Variants in ANTXR2 observed in about 807,000 individuals in gnomAD.
The protein encoded by ANTXR2 is anthrax toxin receptor 2.
Under a neutral mutation model 73.7 loss-of-function variants are expected in ANTXR2, and 44 were observed. The observed-to-expected ratio is 0.60, with a 90% CI of 0.47 to 0.77. The LOEUF is 0.77. Among genes scored for constraint, ANTXR2 ranks in the 30% least tolerant of loss-of-function variants. The pLI is 0.00. For missense variants in ANTXR2, 604 were observed against 592.5 expected, an observed-to-expected ratio of 1.02 and a Z score of -0.20; for synonymous variants, 217 against 205.9, an observed-to-expected ratio of 1.05 and a Z score of -0.46.
intron 11 of ANTXR2, among the ~76,000 whole-genome samples, chr4:80,011,317 G>C (rs1040012860): frequency 7.7e-6 from 1 of 130,142 alleles, no homozygotes; most frequent in Non-Finnish European, 1.7e-5. Context: ...CTATCTATCT[G>C]TCTATCATCT....
At chr4:79,999,952 G>A (rs1730939501) in intron 12 of ANTXR2, among the ~76,000 whole-genome samples, 2 of 151,964 alleles carry the variant, frequency 1.3e-5, no homozygotes, top group African/African-American at 4.8e-5. Flanking sequence ...AATATGATAT[G>A]GGATACATGT....
At chr4:79,914,318 G>A (rs906720713) in intron 16 of ANTXR2, among the ~76,000 whole-genome samples, 7 of 152,038 alleles carry the variant, frequency 4.6e-5, no homozygotes, top group African/African-American at 7.2e-5. Context: ...GCAATTGCTA[G>A]CCTCAGTGTA....
intron 12 of ANTXR2, 38 bp downstream of exon 12, chr4:80,008,483 A>C: frequency 6.7e-7 from 1 of 1,494,246 alleles, no homozygotes. Flanking sequence ...CATCTTTCTA[A>C]TTTTTTTTAA....
chr4:80,069,305 A>G lies in ANTXR2; in HGVS notation c.296+131T>C. On this transcript the variant is annotated intron_variant, in intron 3 of 16. Transcript: ENST00000403729. ...ATTACTCATACCTCCTTTCCCTTCT[A>G]TTAGAGAACTGAATTGTCTGTGCAT... 3 of 731,316 alleles carry G rather than the reference A, an allele frequency of 4.1e-6. No individual in the cohort carries two copies. In the South Asian group the frequency reaches 5.0e-5, roughly 12 times the overall value. 45.3% of individuals were successfully genotyped at this position (731,316 alleles called of 1,614,324 possible). A position where few individuals can be genotyped will look rare whatever the true frequency, so the allele number is the denominator to read the frequency against.
intron 11 of ANTXR2, among the ~76,000 whole-genome samples, chr4:80,016,102 C>A (rs568885399): frequency 2.0e-5 from 3 of 152,158 alleles, no homozygotes; most frequent in South Asian, 4.1e-4. Flanking sequence ...TAAAAGAATT[C>A]TTTCAAGTTG....
intron 16 of ANTXR2, among the ~76,000 whole-genome samples, chr4:79,959,309 TTC>T (rs1287683008): frequency 6.6e-6 from 1 of 152,138 alleles, no homozygotes; most frequent in African/African-American, 2.4e-5. Context: ...TTCAGAATTG[TTC>T]TGTCTTATTT....
At chr4:80,068,934 T>C (rs1171946355) in intron 3 of ANTXR2, among the ~76,000 whole-genome samples, 2 of 152,136 alleles carry the variant, frequency 1.3e-5, no homozygotes, top group Admixed American at 1.3e-4. Flanking sequence ...TAGATAGATA[T>C]AGAGATATAT....
chr4:80,008,684 T>C (rs1731426461), intron 11 of ANTXR2, 68 bp from the exon 12 acceptor site: 2 of 962,530 alleles, frequency 2.1e-6, no homozygotes, highest in South Asian at 1.8e-5. Flanking sequence ...AATGTATATA[T>C]ATTTTAAGGA....
chr4:80,007,950 T>G (rs893759346), intron 12 of ANTXR2, among the ~76,000 whole-genome samples: 1 of 152,190 alleles, frequency 6.6e-6, no homozygotes, highest in African/African-American at 2.4e-5. Context: ...AATAGATAAC[T>G]GATATACACC....
Position 79,987,965 on chromosome 4 carries a change from G to A in ANTXR2, c.1042-3102C>T, listed in dbSNP as rs371172781. Among the ~76,000 whole-genome samples, 90 of 151,954 alleles carry A rather than the reference G, an allele frequency of 5.9e-4. 1 individual carries two copies. The highest frequency in any genetic ancestry group is 6.8e-3 in the Middle Eastern group (2 of 294). On this transcript the variant is annotated intron_variant, in intron 12 of 16. Transcript: ENST00000403729. The stretch of plus-strand genomic sequence containing the variant: ...GTTATGTTTACAAGAGGTCCTAAAG[G>A]GAGCACTAAACATGGAAATGTAAGA...
intron 11 of ANTXR2, among the ~76,000 whole-genome samples, chr4:80,017,909 C>T (rs1225152683): frequency 2.6e-5 from 4 of 152,130 alleles, no homozygotes; most frequent in African/African-American, 9.7e-5. Flanking sequence ...ATAGAAGTAG[C>T]TGTTGGTAAA....
In ANTXR2 at chr4:79,950,262, C is replaced by A. The variant is rs531933533; in HGVS notation, c.1428+27359G>T. Among the ~76,000 whole-genome samples, 186 of 152,248 alleles carry A rather than the reference C, an allele frequency of 1.2e-3. 1 individual carries two copies. The highest frequency in any genetic ancestry group is 4.4e-3 in the African/African-American group (184 of 41,544). On this transcript the variant is annotated intron_variant, in intron 16 of 16. Coordinates refer to ENST00000403729, the MANE Select transcript of ANTXR2 (RefSeq NM_058172.6). ...TAGTTACTATTTGTGCTATTCCTCA[C>A]AAATGTCATTATTTAACACCCATTT...
intron 3 of ANTXR2, among the ~76,000 whole-genome samples, chr4:80,067,697 T>G (rs1471517957): frequency 2.0e-5 from 3 of 149,704 alleles, no homozygotes; most frequent in Non-Finnish European, 4.4e-5. Flanking sequence ...AGATTCATTC[T>G]CATCCACACA....
intron 11 of ANTXR2, among the ~76,000 whole-genome samples, chr4:80,012,491 T>C (rs994201634): frequency 6.6e-6 from 1 of 152,156 alleles, no homozygotes; most frequent in Non-Finnish European, 1.5e-5. Flanking sequence ...ATGGTAGAGT[T>C]AAGTAGTTGT....
At chr4:79,964,935 C>A (rs1057146116) in intron 16 of ANTXR2, 1 of 152,368 alleles carries the variant, frequency 6.6e-6, no homozygotes, top group African/African-American at 2.4e-5. Flanking sequence ...GCCACCTCTG[C>A]GGAAGCTGGC....
chr4:79,919,902 TATATATATATATATATATAAAA>T (rs1300728763), intron 16 of ANTXR2, among the ~76,000 whole-genome samples: 2 of 17,170 alleles, frequency 1.2e-4, no homozygotes, highest in African/African-American at 5.2e-4. Context: ...TATATATATA[TATATATATATATATATATAAAA>T]AATGATAGGG....
At chr4:80,067,062 C>T (rs1024703813) in intron 3 of ANTXR2, among the ~76,000 whole-genome samples, 4 of 152,004 alleles carry the variant, frequency 2.6e-5, no homozygotes, top group Non-Finnish European at 5.9e-5. Context: ...AAAAATTAGC[C>T]GGGCGTGGTG....
chr4:80,015,883 A>C (rs1034120488), intron 11 of ANTXR2, among the ~76,000 whole-genome samples: 30 of 64,704 alleles, frequency 4.6e-4, no homozygotes, highest in Non-Finnish European at 5.8e-4. Context: ...AAGGAAAGGA[A>C]AGGAAAGGAA....
chr4:80,036,206 G>A (rs1309516542), intron 7 of ANTXR2, among the ~76,000 whole-genome samples, 174 bp from the exon 8 acceptor site: 1 of 152,056 alleles, frequency 6.6e-6, no homozygotes, highest in Non-Finnish European at 1.5e-5. Context: ...CTTCTGCACT[G>A]TATTTCAGGG....
Sources: allele counts gnomAD v4.1 joint callset (sites outside exome capture counted in the v4.1 genomes callset), GRCh38; gene constraint gnomAD v4.1.1; transcripts MANE v1.5; gene names NCBI Gene and HGNC (gene_info 2026-07-23, HGNC 2026-07-21).